CAST: variants seen among roughly 807,000 people sequenced by gnomAD.
The protein encoded by CAST is calpastatin.
In CAST, 76 loss-of-function variants were observed where a neutral mutation model predicts 119.6. The observed-to-expected ratio is 0.64, with a 90% CI of 0.53 to 0.77. The LOEUF (loss-of-function observed/expected upper bound fraction) is 0.77. Among genes scored for constraint, CAST ranks in the 30% least tolerant of loss-of-function variants. The pLI is 0.00. For synonymous variants in CAST, 319 were observed against 331.6 expected (o/e 0.96, Z 0.41); for missense variants, 953 against 946.5 (o/e 1.01, Z -0.09).
the CAST span, among the ~76,000 whole-genome samples, chr5:96,396,716 C>T: frequency 1.3e-5 from 2 of 152,128 alleles, no homozygotes; most frequent in African/African-American, 2.4e-5. Flanking sequence ...AATAATTAAG[C>T]TATATTTGGC....
At chr5:96,180,737 G>A in the CAST span, among the ~76,000 whole-genome samples, 1 of 152,188 alleles carries the variant, frequency 6.6e-6, no homozygotes, top group African/African-American at 2.4e-5. Context: ...TAGGTCAGTA[G>A]CTCAATGGAA....
the CAST span, among the ~76,000 whole-genome samples, chr5:96,110,197 T>G: frequency 1.3e-5 from 2 of 152,152 alleles, no homozygotes; most frequent in African/African-American, 4.8e-5. Context: ...TTCCACAAAT[T>G]ACAGTGGGGG....
chr5:96,222,590 T>C, the CAST span, among the ~76,000 whole-genome samples: 11 of 152,114 alleles, frequency 7.2e-5, no homozygotes, highest in African/African-American at 2.4e-4. Context: ...AGAATGACTA[T>C]TATTAAAATG....
intron 3 of CAST, among the ~76,000 whole-genome samples, chr5:96,719,010 G>C (rs1248537355): frequency 6.6e-6 from 1 of 152,174 alleles, no homozygotes; most frequent in South Asian, 2.1e-4. Context: ...CCAGTGGGAG[G>C]TGCCTGGCAA....
chr5:96,760,793 AATG>A (rs1453653203), intron 24 of CAST: 1 of 152,010 alleles, frequency 6.6e-6, no homozygotes, highest in Admixed American at 6.6e-5. Context: ...TCTTAAAAAG[AATG>A]ATGACAATTC....
the CAST span, among the ~76,000 whole-genome samples, chr5:96,144,108 G>A: frequency 7.9e-5 from 12 of 152,008 alleles, no homozygotes; most frequent in African/African-American, 1.4e-4. Flanking sequence ...GTGTCTTGAC[G>A]GCCAGAACAT....
At chr5:96,234,990 G>T in the CAST span, among the ~76,000 whole-genome samples, 4 of 152,264 alleles carry the variant, frequency 2.6e-5, no homozygotes, top group East Asian at 7.7e-4. Flanking sequence ...TCAAAAATGG[G>T]AACTTCGTTA....
chr5:96,337,788 GATTTCTGACATC>G, the CAST span, among the ~76,000 whole-genome samples: 4 of 152,148 alleles, frequency 2.6e-5, no homozygotes, highest in Non-Finnish European at 5.9e-5. Flanking sequence ...CTTTGGACTT[GATTTCTGACATC>G]AAATCAATGG....
chr5:96,207,822 G>T, the CAST span, among the ~76,000 whole-genome samples: 3 of 152,058 alleles, frequency 2.0e-5, no homozygotes, highest in South Asian at 6.2e-4. Flanking sequence ...GAATGAGCTG[G>T]GGAGGAGTCC....
chr5:96,504,592 G>A, the CAST span, among the ~76,000 whole-genome samples: 4 of 150,236 alleles, frequency 2.7e-5, no homozygotes, highest in Admixed American at 6.7e-5. Context: ...CCTAAACAAC[G>A]TATTCCTCTT....
At chr5:96,365,779 A>G in the CAST span, among the ~76,000 whole-genome samples, 1 of 152,068 alleles carries the variant, frequency 6.6e-6, no homozygotes, top group Non-Finnish European at 1.5e-5. Context: ...TCTTTATCCA[A>G]TTTGCCAGTC....
At chr5:96,220,127 G>C in the CAST span, among the ~76,000 whole-genome samples, 2 of 152,184 alleles carry the variant, frequency 1.3e-5, no homozygotes, top group African/African-American at 2.4e-5. Flanking sequence ...ACTCAGTCCT[G>C]GCTAATGGGA....
At chr5:96,767,565 A>G in intron 28 of CAST, 83 bp downstream of exon 28, 1 of 945,538 alleles carries the variant, frequency 1.1e-6, no homozygotes. Context: ...AAACTAAAAC[A>G]TATTGAATGC....
chr5:96,615,016 C>A (rs575218620), intron 1 of CAST, among the ~76,000 whole-genome samples: 3 of 152,196 alleles, frequency 2.0e-5, no homozygotes, highest in Non-Finnish European at 4.4e-5. Context: ...TTGAACTTTA[C>A]GATGGTGCAG....
intron 1 of CAST, among the ~76,000 whole-genome samples, chr5:96,651,251 A>T (rs887187731): frequency 1.3e-5 from 2 of 152,208 alleles, no homozygotes; most frequent in Non-Finnish European, 2.9e-5. Flanking sequence ...TTGTAGTGGG[A>T]CAAGAACTTC....
At chr5:96,174,160 C>T in the CAST span, among the ~76,000 whole-genome samples, 2 of 152,140 alleles carry the variant, frequency 1.3e-5, no homozygotes, top group African/African-American at 4.8e-5. Context: ...TCAAGCACAA[C>T]ATGGAGGAAG....
chr5:96,697,945 TAAAAG>T (rs1581010158), intron 3 of CAST, among the ~76,000 whole-genome samples: 2 of 152,206 alleles, frequency 1.3e-5, no homozygotes, highest in East Asian at 3.8e-4. Context: ...GGTCTCCAAA[TAAAAG>T]AGAGTCTTCA....
the CAST span, among the ~76,000 whole-genome samples, chr5:95,990,110 T>A: frequency 6.6e-6 from 1 of 152,162 alleles, no homozygotes. Context: ...AAAAATAAGC[T>A]TGAAATATTT....
the CAST span, among the ~76,000 whole-genome samples, chr5:95,976,217 A>G: frequency 1.3e-5 from 2 of 151,332 alleles, no homozygotes; most frequent in East Asian, 1.9e-4. Context: ...CCATCTGCCC[A>G]CATCAACCAC....
Sources: gnomAD v4.1 joint callset for allele counts (sites outside exome capture counted in the v4.1 genomes callset) on GRCh38, gnomAD v4.1.1 for gene constraint, MANE v1.5 for transcripts, NCBI Gene and HGNC (gene_info 2026-07-23, HGNC 2026-07-21) for gene names.